The following RASGRP3 variants were observed in gnomAD, a reference collection of about 807,000 sequenced individuals.
The protein encoded by RASGRP3 is ras guanyl-releasing protein 3.
Under a neutral mutation model 82.7 loss-of-function variants are expected in RASGRP3, and 54 were observed. The ratio of observed to expected loss-of-function variants is 0.65; its 90% CI spans 0.52 to 0.82. The LOEUF is 0.82. Among genes scored for constraint, RASGRP3 ranks in the 40% least tolerant of loss-of-function variants. RASGRP3 has a pLI of 0.00. For synonymous variants in RASGRP3, 309 were observed against 300.5 expected, an observed-to-expected ratio of 1.03 and a Z score of -0.29; for missense variants, 861 against 828.9, an observed-to-expected ratio of 1.04 and a Z score of -0.48.
intron 14 of RASGRP3, among the ~76,000 whole-genome samples, chr2:33,553,716 G>C (rs771039877): frequency 5.3e-5 from 8 of 151,996 alleles, no homozygotes; most frequent in Non-Finnish European, 1.0e-4. Context: ...ATACTGCTCT[G>C]TCCTAGGAGA....
At chr2:33,525,095 C>CAAAAAAAAAAAAAAAAAAAAAAA in intron 9 of RASGRP3, among the ~76,000 whole-genome samples, 1 of 114,084 alleles carries the variant, frequency 8.8e-6, no homozygotes, top group Non-Finnish European at 1.9e-5. Context: ...AAAAAAAAAC[C>CAAAAAAAAAAAAAAAAAAAAAAA]AAAAAAAAAA....
intron 15 of RASGRP3, among the ~76,000 whole-genome samples, chr2:33,556,888 A>AACACACACACACAC (rs776395892): frequency 2.5e-5 from 1 of 40,590 alleles, no homozygotes; most frequent in Non-Finnish European, 5.1e-5. Context: ...CATACCCTAA[A>AACACACACACACAC]ATACACACAC....
upstream of RASGRP3, among the ~76,000 whole-genome samples, chr2:33,473,461 G>A (rs1667181764): frequency 1.3e-5 from 2 of 152,190 alleles, no homozygotes; most frequent in Non-Finnish European, 2.9e-5. Context: ...TTTAGCTAAT[G>A]AGCGCACGCT....
intron 13 of RASGRP3, among the ~76,000 whole-genome samples, chr2:33,545,108 C>G (rs1305423305): frequency 6.6e-6 from 1 of 152,152 alleles, no homozygotes; most frequent in African/African-American, 2.4e-5. Flanking sequence ...GTCTTCATTT[C>G]TTTTATCTGT....
chr2:33,443,356 G>A (rs1011832193), intron 1 of RASGRP3, among the ~76,000 whole-genome samples: 2 of 152,128 alleles, frequency 1.3e-5, no homozygotes, highest in Non-Finnish European at 2.9e-5. Flanking sequence ...GTTAAGTAAG[G>A]CAGGTATTAT....
At chr2:33,484,821 A>G (rs2150946470) in intron 1 of RASGRP3, among the ~76,000 whole-genome samples, 1 of 152,368 alleles carries the variant, frequency 6.6e-6, no homozygotes, top group Non-Finnish European at 1.5e-5. Flanking sequence ...GCCAGTGAGT[A>G]AGAGTCTAGT....
intron 11 of RASGRP3, among the ~76,000 whole-genome samples, chr2:33,534,867 G>C (rs1355405920): frequency 4.6e-5 from 7 of 151,988 alleles, no homozygotes; most frequent in Non-Finnish European, 7.4e-5. Flanking sequence ...CAATGGGACA[G>C]CTTAGCCCTG....
Position 33,515,026 on chromosome 2 carries a change from A to G in RASGRP3, c.-111A>G. 1 of 962,548 alleles carries G rather than the reference A, an allele frequency of 1.0e-6. No individual in the cohort carries two copies. The highest frequency in any genetic ancestry group is 1.4e-5 in the South Asian group (1 of 71,770). 59.6% of individuals were successfully genotyped at this position (962,548 alleles called of 1,614,324 possible). ...TTTTTTTAGAGTTTTCTTGAAGTAC[A>G]ACTAAGGACAGGTCACCACTAGGCA... On this transcript the variant is annotated 5_prime_UTR_variant, in exon 3 of 18. Coordinates refer to ENST00000403687, the MANE Select transcript of RASGRP3 (RefSeq NM_001139488.2).
At chr2:33,443,056 C>G (rs561641261) in intron 1 of RASGRP3, among the ~76,000 whole-genome samples, 4 of 152,304 alleles carry the variant, frequency 2.6e-5, no homozygotes, top group African/African-American at 9.6e-5. Context: ...GTGCACATAG[C>G]TAGTAAAATG....
At chr2:33,555,714 G>A (rs1675876372) in intron 15 of RASGRP3, 147 bp downstream of exon 15, 1 of 701,424 alleles carries the variant, frequency 1.4e-6, no homozygotes, top group East Asian at 2.9e-5. Flanking sequence ...TTGCCTCTGA[G>A]GAGGAGTTTC....
intron 2 of RASGRP3, chr2:33,513,751 T>C (rs1478648647): frequency 6.6e-6 from 1 of 152,252 alleles, no homozygotes; most frequent in Non-Finnish European, 1.5e-5. Context: ...AAGAGGCTAT[T>C]GCCAATCACG....
intron 10 of RASGRP3, chr2:33,532,823 A>T (rs1673233185): frequency 6.6e-6 from 1 of 152,262 alleles, no homozygotes; most frequent in Non-Finnish European, 1.5e-5. Flanking sequence ...AGCAGCTGCT[A>T]GAACAGTGAC....
chr2:33,559,595 TTGTTAGAGTA>T, intron 17 of RASGRP3: 1 of 518,666 alleles, frequency 1.9e-6, no homozygotes, highest in South Asian at 1.4e-5. Context: ...CAGATGGAAT[TTGTTAGAGTA>T]TGCTGACACA....
intron 2 of RASGRP3, among the ~76,000 whole-genome samples, chr2:33,512,245 GTCT>G (rs1670993723): frequency 1.3e-5 from 2 of 152,324 alleles, no homozygotes; most frequent in South Asian, 4.1e-4. Context: ...GTGGTGATGA[GTCT>G]TTGGTTCCAG....
At chr2:33,538,997 C>A in intron 11 of RASGRP3, 97 bp from the exon 12 acceptor site, 2 of 814,914 alleles carry the variant, frequency 2.5e-6, no homozygotes, top group Non-Finnish European at 3.9e-6. Context: ...CGAAATTACA[C>A]CACTGCACTC....
intron 7 of RASGRP3, among the ~76,000 whole-genome samples, chr2:33,523,298 C>T (rs1286514914): frequency 2.0e-5 from 3 of 151,924 alleles, no homozygotes; most frequent in Non-Finnish European, 4.4e-5. Flanking sequence ...CCCATCTCTA[C>T]TAAAAATACT....
rs745932386 is a variant in RASGRP3 at position 33,524,548 on chromosome 2, G to C, written c.807G>C (p.Lys269Asn). 1 of 1,570,426 alleles carries C rather than the reference G, an allele frequency of 6.4e-7. No homozygotes were observed. The highest frequency in any genetic ancestry group is 8.7e-7 in the Non-Finnish European group (1 of 1,151,876). Residue 269 changes from lysine (K) to asparagine (N), a missense_variant and splice_region_variant, in exon 9 of 18, where the codon AAG becomes AAC. By Grantham distance (94) the Lys-to-Asn change is moderately conservative. Transcript: ENST00000403687. ...THSHLSSEVT[K>N]NWNEMTELVS... ...CTCATCTTTCTTCAGAAGTTACAAA[G>C]GTATAGTAGACTTGATCCTAATCAA...
intron 17 of RASGRP3, among the ~76,000 whole-genome samples, chr2:33,561,908 A>ATTTCCTTTAAACTTCTTCTTTTGT (rs1676703236): frequency 1.3e-5 from 2 of 152,194 alleles, no homozygotes; most frequent in South Asian, 4.1e-4. Context: ...GAATACATGT[A>ATTTCCTTTAAACTTCTTCTTTTGT]TTTCCTTTAA....
intron 2 of RASGRP3, among the ~76,000 whole-genome samples, chr2:33,452,032 G>A (rs996593184): frequency 2.5e-4 from 38 of 151,940 alleles, no homozygotes; most frequent in Non-Finnish European, 8.8e-5. Context: ...GGAATTTTCA[G>A]TTCCATCACT....
Sources: allele counts gnomAD v4.1 joint callset (sites outside exome capture counted in the v4.1 genomes callset), GRCh38; gene constraint gnomAD v4.1.1; transcripts MANE v1.5; gene names NCBI Gene and HGNC (gene_info 2026-07-23, HGNC 2026-07-21).